The following SCFD1 variants were observed in gnomAD, a reference collection of about 807,000 sequenced individuals.
The protein encoded by SCFD1 is sec1 family domain-containing protein 1.
SCFD1 carries 37 observed loss-of-function variants against 103.2 expected under a neutral mutation model. That is an observed-to-expected ratio of 0.36 (90% CI 0.28 to 0.47). The LOEUF is 0.47. SCFD1 is among the 20% of genes least tolerant of loss of function. The pLI, the probability that SCFD1 is intolerant of heterozygous loss-of-function variation, is 1.00. For synonymous variants in SCFD1, 264 were observed against 245.0 expected, an observed-to-expected ratio of 1.08 and a Z score of -0.73; for missense variants, 639 against 761.2, an observed-to-expected ratio of 0.84 and a Z score of 1.89.
chr14:30,626,872 A>G (rs563011100), intron 1 of SCFD1, among the ~76,000 whole-genome samples: 4 of 152,222 alleles, frequency 2.6e-5, no homozygotes, highest in Non-Finnish European at 5.9e-5. Flanking sequence ...CAGTTTTAAC[A>G]GCATTATACC....
Position 30,622,403 on chromosome 14 carries a change from C to T in SCFD1, c.61+4C>T. The T allele has an allele frequency of 2.6e-6, 4 of 1,552,048 alleles. No homozygotes were observed. Among genetic ancestry groups the T allele is most frequent in the Non-Finnish European group, 3.5e-6 (4 of 1,147,150 alleles). On this transcript the variant is annotated splice_donor_region_variant and intron_variant, in intron 1 of 24. Transcript: ENST00000458591. ...AGTATTCGGGAAAGGCAGACAGGTACTGACTTATTCTCTTCTCCTTGAAGC... is the reference window on the plus strand; with the variant it reads ...AGTATTCGGGAAAGGCAGACAGGTATTGACTTATTCTCTTCTCCTTGAAGC...
chr14:30,622,507 C>A, intron 1 of SCFD1, 108 bp downstream of exon 1: 1 of 1,451,330 alleles, frequency 6.9e-7, no homozygotes, highest in East Asian at 2.5e-5. Context: ...TAATCCAGTC[C>A]CTAGAACATC....
chr14:30,734,871 T>G lies in SCFD1; in HGVS notation c.1905+13T>G, dbSNP rs1453980226. 1 of 1,590,526 alleles carries G rather than the reference T, an allele frequency of 6.3e-7. No individual in the cohort carries two copies. The highest frequency in any genetic ancestry group is 8.6e-7 in the Non-Finnish European group (1 of 1,158,924). On this transcript the variant is annotated intron_variant, in intron 24 of 24. Coordinates refer to ENST00000458591, the MANE Select transcript of SCFD1 (RefSeq NM_016106.4). ...GTTCATAAAACAGGTAAAGTATACA[T>G]TTGTTGTTTGTTTCTGTTAACATAC... is the stretch of plus-strand genomic sequence containing the variant.
At chr14:30,677,286 T>TA (rs1889106465) in intron 14 of SCFD1, among the ~76,000 whole-genome samples, 1 of 152,090 alleles carries the variant, frequency 6.6e-6, no homozygotes, top group African/African-American at 2.4e-5. Context: ...CTTGCCTCCC[T>TA]AGTAACTAAG....
Position 30,694,688 on chromosome 14 carries a change from A to G in SCFD1, c.1243-85A>G. The G allele has an allele frequency of 6.2e-6, 9 of 1,443,584 alleles. 1 individual carries two copies. The highest frequency in any genetic ancestry group is 4.5e-6 in the Non-Finnish European group (5 of 1,099,878). The allele number at this position is 1,443,584 out of a possible 1,614,324, so 89.4% of individuals were successfully genotyped here. A position where few individuals can be genotyped will look rare whatever the true frequency, so the allele number is the denominator to read the frequency against. ...AAGAACATATCTTAAAATTGATCAT[A>G]GAAAATAGAAACTTATAAGGTGAGT... is the stretch of plus-strand genomic sequence containing the variant. On this transcript the variant is annotated intron_variant, in intron 14 of 24. Coordinates refer to ENST00000458591, the MANE Select transcript of SCFD1 (RefSeq NM_016106.4).
chr14:30,679,671 C>T (rs1016765198), intron 14 of SCFD1, among the ~76,000 whole-genome samples: 1 of 142,178 alleles, frequency 7.0e-6, no homozygotes, highest in African/African-American at 2.5e-5. Flanking sequence ...TTTTATTCTT[C>T]ACATAAACTG....
At chr14:30,695,876 A>C (rs1890664887) in intron 15 of SCFD1, among the ~76,000 whole-genome samples, 1 of 152,126 alleles carries the variant, frequency 6.6e-6, no homozygotes, top group Non-Finnish European at 1.5e-5. Flanking sequence ...GGTCTCAAAA[A>C]CAAACAAACA....
rs763887206 is a variant in SCFD1, at chr14:30,643,283, T to C, written c.524-33T>C. 2.9e-6 allele frequency: 4 copies of C among 1,366,468 alleles called. No individual in the cohort carries two copies. The South Asian group carries it at 4.7e-5, about 16-fold the overall frequency. The allele number at this position is 1,366,468 out of a possible 1,614,324, so 84.6% of individuals were successfully genotyped here. On this transcript the variant is annotated intron_variant, in intron 6 of 24. Transcript: ENST00000458591. ...TAGAAAGATGAGGCATAAGTTTGGG[T>C]CAACTTTTTCTCCTTTTCCTATGTC...
chr14:30,650,063 T>A (rs770187561), intron 8 of SCFD1, among the ~76,000 whole-genome samples: 4 of 152,180 alleles, frequency 2.6e-5, no homozygotes, highest in Non-Finnish European at 4.4e-5. Context: ...AGAGAAATTA[T>A]AGAATTACTG....
chr14:30,655,084 A>C (rs1386766745), intron 10 of SCFD1, among the ~76,000 whole-genome samples: 1 of 152,242 alleles, frequency 6.6e-6, no homozygotes, highest in African/African-American at 2.4e-5. Context: ...TAGTAGGGGA[A>C]ACAGGCAATA....
chr14:30,682,681 T>C (rs563519164), intron 14 of SCFD1, among the ~76,000 whole-genome samples: 1 of 152,274 alleles, frequency 6.6e-6, no homozygotes, highest in East Asian at 1.9e-4. Context: ...TAATGCAGCA[T>C]TACTGGTGCT....
chr14:30,692,388 TG>T (rs1028040403), intron 14 of SCFD1, among the ~76,000 whole-genome samples: 9 of 152,120 alleles, frequency 5.9e-5, no homozygotes, highest in African/African-American at 2.2e-4. Context: ...AAAGTGCTGT[TG>T]ATACACAGAT....
Position 30,634,057 on chromosome 14 carries a change from T to C in SCFD1, c.312+20T>C. ...TGCCAGGTAATATGGGTTCTTATTT[T>C]CTGGACTCCTGAATTTGGAAATGGA... is the stretch of plus-strand genomic sequence containing the variant. On this transcript the variant is annotated intron_variant, in intron 4 of 24. Transcript: ENST00000458591. 1 of 1,382,924 alleles carries C rather than the reference T, an allele frequency of 7.2e-7. No individual in the cohort carries two copies. The highest frequency in any genetic ancestry group is 1.0e-6 in the Non-Finnish European group (1 of 1,000,100). The allele number at this position is 1,382,924 out of a possible 1,614,324, so 85.7% of individuals were successfully genotyped here.
intron 13 of SCFD1, among the ~76,000 whole-genome samples, chr14:30,674,580 G>A (rs147781644): frequency 1.1e-4 from 16 of 152,066 alleles, no homozygotes; most frequent in South Asian, 2.1e-4. Flanking sequence ...CCTGGGTGGC[G>A]GAGGTTGCAG....
chr14:30,727,158 C>G (rs533019860), intron 23 of SCFD1, among the ~76,000 whole-genome samples: 28 of 152,226 alleles, frequency 1.8e-4, no homozygotes, highest in Non-Finnish European at 3.7e-4. Flanking sequence ...AACCTTAGTG[C>G]CTTCCGCCCA....
At chr14:30,652,858 A>C (rs1452099819) in intron 9 of SCFD1, among the ~76,000 whole-genome samples, 3 of 151,926 alleles carry the variant, frequency 2.0e-5, no homozygotes, top group Non-Finnish European at 2.9e-5. Context: ...AAAATTTAAA[A>C]ATTAGCCAAG....
chr14:30,635,571 T>C (rs1457958415), intron 4 of SCFD1, among the ~76,000 whole-genome samples: 1 of 152,204 alleles, frequency 6.6e-6, no homozygotes, highest in Non-Finnish European at 1.5e-5. Flanking sequence ...TTCATCCATA[T>C]TGTAGCATGA....
chr14:30,633,305 G>A (rs1884374328), intron 3 of SCFD1, among the ~76,000 whole-genome samples: 1 of 152,132 alleles, frequency 6.6e-6, no homozygotes, highest in Non-Finnish European at 1.5e-5. Flanking sequence ...GTTTGATGTT[G>A]GGATATTTGT....
At chr14:30,685,065 G>T (rs1312889242) in intron 14 of SCFD1, among the ~76,000 whole-genome samples, 1 of 45,322 alleles carries the variant, frequency 2.2e-5, no homozygotes. Context: ...GCGGTGTTTG[G>T]TTTTTTGTTC....
Sources: gnomAD v4.1 joint callset for allele counts (sites outside exome capture counted in the v4.1 genomes callset) on GRCh38, gnomAD v4.1.1 for gene constraint, MANE v1.5 for transcripts, NCBI Gene and HGNC (gene_info 2026-07-23, HGNC 2026-07-21) for gene names.